LRP5: variants seen among roughly 807,000 people sequenced by gnomAD.
LRP5 encodes the protein low-density lipoprotein receptor-related protein 5.
LRP5 carries 62 observed loss-of-function variants against 154.1 expected under a neutral mutation model. The observed-to-expected ratio is 0.40, with a 90% CI of 0.33 to 0.50. The LOEUF is 0.50. LRP5 is among the 20% of genes least tolerant of loss of function. The pLI, the probability that LRP5 is intolerant of heterozygous loss-of-function variation, is 0.55. For synonymous variants in LRP5, 966 were observed against 1,011.5 expected (o/e 0.96, Z 0.85); for missense variants, 1,915 against 2,336.7 (o/e 0.82, Z 3.72).
intron 2 of LRP5, among the ~76,000 whole-genome samples, chr11:68,351,524 C>T (rs2098618510): frequency 6.6e-6 from 1 of 152,216 alleles, no homozygotes; most frequent in Non-Finnish European, 1.5e-5. Flanking sequence ...CAGGGCCGGC[C>T]TGCGGTTGCT....
chr11:68,411,709 C>A (rs1033125425), intron 11 of LRP5, 89 bp downstream of exon 11: 5 of 1,351,306 alleles, frequency 3.7e-6, no homozygotes, highest in African/African-American at 2.9e-5. Context: ...TACCCTGTGG[C>A]CTGCAAGTTC....
At chr11:68,310,533 T>C (rs2098587086), upstream of LRP5, among the ~76,000 whole-genome samples, 1 of 151,958 alleles carries the variant, frequency 6.6e-6, no homozygotes, top group Admixed American at 6.6e-5. Flanking sequence ...GGCAGGAGAA[T>C]TGCTTGAGCC....
chr11:68,408,717 T>A (rs1258521989), intron 9 of LRP5, among the ~76,000 whole-genome samples: 1 of 152,116 alleles, frequency 6.6e-6, no homozygotes, highest in Non-Finnish European at 1.5e-5. Flanking sequence ...ACTGCACAGA[T>A]GTTTGCTTTT....
intron 21 of LRP5, chr11:68,445,569 G>C (rs528295211): frequency 7.6e-7 from 1 of 1,310,222 alleles, no homozygotes; most frequent in Non-Finnish European, 1.0e-6. Flanking sequence ...CCATTATTCC[G>C]CAGGGGCTCG....
chr11:68,312,408 G>A (rs550473347), upstream of LRP5, among the ~76,000 whole-genome samples: 87 of 150,938 alleles, frequency 5.8e-4, no homozygotes, highest in South Asian at 0.017. Context: ...GCACCTCCAG[G>A]GCAGGGCGGG....
chr11:68,340,392 A>T (rs1013612442), intron 1 of LRP5, among the ~76,000 whole-genome samples: 3 of 152,172 alleles, frequency 2.0e-5, no homozygotes, highest in African/African-American at 7.2e-5. Context: ...GTCTGAGTGG[A>T]TGGTGTGTGC....
At chr11:68,299,973 C>T in the LRP5 span, among the ~76,000 whole-genome samples, 3 of 149,156 alleles carry the variant, frequency 2.0e-5, 1 homozygote, top group South Asian at 6.3e-4. Context: ...TCTTGGCTCA[C>T]TGCAACCTCT....
chr11:68,384,751 C>T (rs986944617), intron 5 of LRP5, among the ~76,000 whole-genome samples: 35 of 151,998 alleles, frequency 2.3e-4, no homozygotes, highest in Non-Finnish European at 1.0e-4. Context: ...GGGTGGGCCA[C>T]GGGGGTTCAG....
intron 5 of LRP5, among the ~76,000 whole-genome samples, chr11:68,371,106 C>T (rs1422860902): frequency 6.6e-6 from 1 of 152,118 alleles, no homozygotes; most frequent in Non-Finnish European, 1.5e-5. Flanking sequence ...GCCCTGGGCC[C>T]TTTTGAAGCT....
rs951001139 is a variant in LRP5 at position 68,437,019 on chromosome 11, G to A, written c.4111+20G>A. ...TGTGTGGTGAGCCAGCTTCTGGCAC[G>A]GGGAAGGGGCGTCCGGGCTGGGTTC... On this transcript the variant is annotated intron_variant, in intron 19 of 22. Coordinates refer to ENST00000294304, the MANE Select transcript of LRP5 (RefSeq NM_002335.4). 6.2e-6 allele frequency: 10 copies of A among 1,603,154 alleles called. No individual in the cohort carries two copies. The highest frequency in any genetic ancestry group is 1.6e-4 in the Middle Eastern group (1 of 6,068).
intron 17 of LRP5, among the ~76,000 whole-genome samples, chr11:68,430,914 C>A (rs1161334565): frequency 3.3e-5 from 5 of 152,182 alleles, no homozygotes; most frequent in Non-Finnish European, 7.3e-5. Context: ...GCCTCCACTT[C>A]CTCCTCTGTG....
At chr11:68,330,843 G>A (rs563234813) in intron 1 of LRP5, among the ~76,000 whole-genome samples, 1 of 152,348 alleles carries the variant, frequency 6.6e-6, no homozygotes, top group South Asian at 2.1e-4. Flanking sequence ...AATGGGGGGA[G>A]GCGGTCTGGG....
At chr11:68,310,312 C>T (rs1330655604), upstream of LRP5, among the ~76,000 whole-genome samples, 2 of 152,062 alleles carry the variant, frequency 1.3e-5, no homozygotes, top group African/African-American at 4.8e-5. Context: ...GATCACCAGG[C>T]ATGATGGCCC....
chr11:68,434,058 A>G (rs1198722073), intron 18 of LRP5, among the ~76,000 whole-genome samples: 1 of 152,146 alleles, frequency 6.6e-6, no homozygotes, highest in Non-Finnish European at 1.5e-5. Flanking sequence ...GTGAGGGTCT[A>G]TCTCACCTTC....
chr11:68,300,222 G>A, the LRP5 span, among the ~76,000 whole-genome samples: 7 of 149,086 alleles, frequency 4.7e-5, 1 homozygote, highest in East Asian at 1.9e-4. Context: ...GGAGAATCCC[G>A]TGGCGTTTAC....
chr11:68,339,628 G>C (rs967593086), intron 1 of LRP5, among the ~76,000 whole-genome samples: 2 of 152,272 alleles, frequency 1.3e-5, no homozygotes, highest in South Asian at 2.1e-4. Flanking sequence ...TTACAGGCGT[G>C]AGCCACCATA....
At chr11:68,383,194 TAGG>T (rs1769465491) in intron 5 of LRP5, among the ~76,000 whole-genome samples, 1 of 152,002 alleles carries the variant, frequency 6.6e-6, no homozygotes, top group South Asian at 2.1e-4. Flanking sequence ...AGTGATTTCT[TAGG>T]AGGACAGAGG....
intron 1 of LRP5, among the ~76,000 whole-genome samples, chr11:68,336,312 G>A (rs1443254392): frequency 6.6e-6 from 1 of 152,166 alleles, no homozygotes; most frequent in Non-Finnish European, 1.5e-5. Flanking sequence ...AGGAATATTT[G>A]AACGTCAAAA....
intron 21 of LRP5, among the ~76,000 whole-genome samples, chr11:68,440,287 C>T (rs77070371): frequency 0.079 from 12,060 of 152,258 alleles, 573 homozygotes; most frequent in Middle Eastern, 0.14. Flanking sequence ...CCTCCACAAA[C>T]ACCCTGTTCT....
Sources: gnomAD v4.1 joint callset for allele counts (sites outside exome capture counted in the v4.1 genomes callset) on GRCh38, gnomAD v4.1.1 for gene constraint, MANE v1.5 for transcripts, NCBI Gene and HGNC (gene_info 2026-07-23, HGNC 2026-07-21) for gene names.